The following COBLL1 variants were observed in gnomAD, a reference collection of about 807,000 sequenced individuals.
The protein encoded by COBLL1 is cordon-bleu WH2 repeat protein like 1, also known as cordon-bleu protein-like 1.
Under a neutral mutation model 94.8 loss-of-function variants are expected in COBLL1, and 50 were observed. That is an observed-to-expected ratio of 0.53 (90% CI 0.42 to 0.67). The LOEUF (loss-of-function observed/expected upper bound fraction) is 0.67, where lower values mean the gene tolerates loss of function less well. COBLL1 is among the 30% of genes least tolerant of loss of function. COBLL1 has a pLI of 0.00. For missense variants in COBLL1, 1,362 were observed against 1,348.7 expected (o/e 1.01, Z -0.15); for synonymous variants, 448 against 473.8 (o/e 0.95, Z 0.71).
At chr2:164,783,418 AGAAGAGAAAAGAAAG>A (rs141223546) in intron 2 of COBLL1, among the ~76,000 whole-genome samples, 4 of 151,222 alleles carry the variant, frequency 2.6e-5, no homozygotes, top group South Asian at 2.1e-4. Context: ...CCTGTTGAGA[AGAAGAGAAAAGAAAG>A]GAAGAGAAAA....
chr2:164,775,330 T>C (rs533858935), intron 2 of COBLL1, among the ~76,000 whole-genome samples: 48 of 152,288 alleles, frequency 3.2e-4, no homozygotes, highest in Admixed American at 3.1e-3. Flanking sequence ...TGTAATCTTA[T>C]CTTGCTTGAT....
chr2:164,696,071 TA>T, intron 11 of COBLL1: 1 of 416,604 alleles, frequency 2.4e-6, no homozygotes, highest in Non-Finnish European at 4.2e-6. Context: ...ACATGTTAAT[TA>T]ACCCCTTTGA....
chr2:164,775,033 A>C (rs1048838585), intron 2 of COBLL1, among the ~76,000 whole-genome samples: 5 of 152,050 alleles, frequency 3.3e-5, no homozygotes, highest in Admixed American at 2.6e-4. Context: ...ACGGCAGTAC[A>C]TGCTGTAGTT....
rs536374260 is a variant in COBLL1, at chr2:164,805,391, G to T, written c.41+35765C>A. On this transcript the variant is annotated intron_variant, in intron 2 of 13. Transcript: ENST00000652658. ...ACTAAAGTTCATAGTTTACATTAGG[G>T]TTCACGCTTTTTTATTGGTTTTGAA... Among the ~76,000 whole-genome samples, 11 of 117,800 alleles carry T rather than the reference G, an allele frequency of 9.3e-5. No individual in the cohort carries two copies. In the East Asian group the frequency reaches 2.4e-3, roughly 26 times the overall value. 77.3% of individuals were successfully genotyped at this position (117,800 alleles called of 152,430 possible).
intron 7 of COBLL1, among the ~76,000 whole-genome samples, chr2:164,714,654 G>A (rs1310864928): frequency 1.3e-5 from 2 of 152,096 alleles, no homozygotes; most frequent in Admixed American, 1.3e-4. Flanking sequence ...GACACCTTAA[G>A]GTTATCACTG....
At chr2:164,835,648 A>T (rs1005761122) in intron 2 of COBLL1, among the ~76,000 whole-genome samples, 117 of 152,194 alleles carry the variant, frequency 7.7e-4, no homozygotes, top group African/African-American at 2.8e-3. Context: ...GGTAAATTTT[A>T]TGCTATGCAT....
intron 2 of COBLL1, among the ~76,000 whole-genome samples, chr2:164,770,900 T>C (rs1261697247): frequency 3.3e-5 from 5 of 152,160 alleles, no homozygotes; most frequent in Non-Finnish European, 5.9e-5. Flanking sequence ...CCAGTTATTA[T>C]AAATGTCAAG....
At chr2:164,782,628 CTG>C (rs538990858) in intron 2 of COBLL1, among the ~76,000 whole-genome samples, 2 of 152,200 alleles carry the variant, frequency 1.3e-5, no homozygotes, top group South Asian at 4.1e-4. Context: ...CATGTACTAA[CTG>C]TTACTGTGTC....
chr2:164,793,715 A>G (rs1040288571), intron 2 of COBLL1, among the ~76,000 whole-genome samples: 1 of 152,236 alleles, frequency 6.6e-6, no homozygotes, highest in African/African-American at 2.4e-5. Flanking sequence ...AAGGAAAAAA[A>G]ATGCCAAGAA....
chr2:164,774,364 C>G (rs1034248283), intron 2 of COBLL1, among the ~76,000 whole-genome samples: 2 of 152,134 alleles, frequency 1.3e-5, no homozygotes, highest in African/African-American at 4.8e-5. Flanking sequence ...CATGGCTTCA[C>G]TTCTACTAAC....
At chr2:164,804,770 A>G (rs969787941) in intron 2 of COBLL1, among the ~76,000 whole-genome samples, 1 of 152,194 alleles carries the variant, frequency 6.6e-6, no homozygotes, top group African/African-American at 2.4e-5. Context: ...CGTAACCTGC[A>G]TTATACTGAA....
chr2:164,783,710 T>C (rs943160649), intron 2 of COBLL1, among the ~76,000 whole-genome samples: 3 of 152,176 alleles, frequency 2.0e-5, no homozygotes, highest in Non-Finnish European at 4.4e-5. Flanking sequence ...TTCATGCCTA[T>C]AAATCCCAGC....
intron 2 of COBLL1, among the ~76,000 whole-genome samples, chr2:164,796,813 A>C (rs1185130911): frequency 1.3e-5 from 2 of 151,954 alleles, no homozygotes; most frequent in Non-Finnish European, 2.9e-5. Context: ...CATCTCTACA[A>C]AATATTTAAA....
intron 2 of COBLL1, among the ~76,000 whole-genome samples, chr2:164,775,263 C>T (rs1688410504): frequency 6.6e-6 from 1 of 152,130 alleles, no homozygotes; most frequent in African/African-American, 2.4e-5. Context: ...TGTCCTATAT[C>T]TTCATTAACA....
At chr2:164,801,015 T>C (rs976045535) in intron 2 of COBLL1, among the ~76,000 whole-genome samples, 3 of 152,140 alleles carry the variant, frequency 2.0e-5, no homozygotes, top group African/African-American at 7.2e-5. Context: ...CTCCTAGCAC[T>C]GGAGCTGGGT....
chr2:164,722,741 T>C (rs1685519471), intron 5 of COBLL1: 2 of 273,324 alleles, frequency 7.3e-6, no homozygotes, highest in East Asian at 1.3e-4. Context: ...AAAACTAAGA[T>C]ACATAATCCA....
At chr2:164,842,053 G>C, upstream of COBLL1, 1 of 1,528,662 alleles carries the variant, frequency 6.5e-7, no homozygotes, top group Non-Finnish European at 8.8e-7. Flanking sequence ...ATTGGAGCGA[G>C]GGAAGCAGCG....
chr2:164,723,378 C>T (rs1029162527), intron 5 of COBLL1: 2 of 152,130 alleles, frequency 1.3e-5, no homozygotes, highest in African/African-American at 2.4e-5. Flanking sequence ...TAGTGCTGAG[C>T]CTCCCTGGCC....
chr2:164,820,383 C>T (rs1362227209), intron 2 of COBLL1, among the ~76,000 whole-genome samples: 1 of 151,358 alleles, frequency 6.6e-6, no homozygotes, highest in East Asian at 2.0e-4. Flanking sequence ...CCACACCTGG[C>T]TAATTTTCTG....
Sources: allele counts gnomAD v4.1 joint callset (sites outside exome capture counted in the v4.1 genomes callset), GRCh38; gene constraint gnomAD v4.1.1; transcripts MANE v1.5; gene names NCBI Gene and HGNC (gene_info 2026-07-23, HGNC 2026-07-21).